The following NXN variants were observed in gnomAD, a reference collection of about 807,000 sequenced individuals.
NXN encodes the protein nucleoredoxin 1.
Under a neutral mutation model 48.6 loss-of-function variants are expected in NXN, and 16 were observed. The ratio of observed to expected loss-of-function variants is 0.33; its 90% CI spans 0.22 to 0.50. The LOEUF (loss-of-function observed/expected upper bound fraction) is 0.50, where lower values mean the gene tolerates loss of function less well. Among genes scored for constraint, NXN ranks in the 20% least tolerant of loss-of-function variants. NXN has a pLI of 0.98. For missense variants in NXN, 492 were observed against 605.5 expected, an observed-to-expected ratio of 0.81 and a Z score of 1.97; for synonymous variants, 281 against 269.6, an observed-to-expected ratio of 1.04 and a Z score of -0.41.
At chr17:866,812 T>C (rs2068099845) in intron 1 of NXN, among the ~76,000 whole-genome samples, 1 of 152,240 alleles carries the variant, frequency 6.6e-6, no homozygotes, top group Non-Finnish European at 1.5e-5. Flanking sequence ...GATCTGAAAA[T>C]ACATATTCTT....
chr17:859,848 C>G (rs2068024046), intron 1 of NXN, among the ~76,000 whole-genome samples: 1 of 152,170 alleles, frequency 6.6e-6, no homozygotes, highest in African/African-American at 2.4e-5. Flanking sequence ...AAACAACAGG[C>G]AAAACCGAGC....
chr17:862,210 A>C (rs1388285373), intron 1 of NXN, among the ~76,000 whole-genome samples: 2 of 152,186 alleles, frequency 1.3e-5, no homozygotes, highest in Admixed American at 1.3e-4. Flanking sequence ...TTCTGCAATA[A>C]TCAATGTAGA....
In NXN at chr17:865,320, G is replaced by A. The variant is rs140152575; in HGVS notation, c.361-39242C>T. ...TGCAATGGCACGATCTTGGCTCACCGCAACCTCTGCCTCCTGGATTCAAGT... is the reference window on the plus strand; with the variant it reads ...TGCAATGGCACGATCTTGGCTCACCACAACCTCTGCCTCCTGGATTCAAGT... On this transcript the variant is annotated intron_variant, in intron 1 of 7. Transcript: ENST00000336868. Among the ~76,000 whole-genome samples, 1,381 of 151,826 alleles carry A rather than the reference G, an allele frequency of 9.1e-3. 20 individuals are homozygous for A. The highest frequency in any genetic ancestry group is 0.031 in the African/African-American group (1,265 of 41,364).
chr17:876,502 G>A (rs898581349), intron 1 of NXN, among the ~76,000 whole-genome samples: 4 of 152,260 alleles, frequency 2.6e-5, no homozygotes, highest in Admixed American at 1.3e-4. Context: ...TGCTCTAAGC[G>A]TGTTTCATGT....
chr17:873,489 T>C (rs151228415), intron 1 of NXN, among the ~76,000 whole-genome samples: 3,637 of 83,040 alleles, frequency 0.044, 72 homozygotes, highest in Non-Finnish European at 0.059. Context: ...AGAGACACTG[T>C]CTCCAAAAAA....
chr17:887,208 C>T (rs535138173), intron 1 of NXN, among the ~76,000 whole-genome samples: 4 of 152,272 alleles, frequency 2.6e-5, no homozygotes, highest in Admixed American at 6.5e-5. Flanking sequence ...TGAGCCACCG[C>T]GCCTGGCCTC....
rs936929032 is a variant in NXN at position 917,205 on chromosome 17, G to T, written c.360+62114C>A. On this transcript the variant is annotated intron_variant, in intron 1 of 7. Transcript: ENST00000336868. This position sits in a 1 kb window ranked among gnomAD's most constrained non-coding sequence, Gnocchi z 4.5. ...AGCCCAGGCTGGAGTGCAATGGCGC[G>T]ACCTCGGCTCGCCGTGGCCTCCGCC... is the stretch of plus-strand genomic sequence containing the variant. Among the ~76,000 whole-genome samples the T allele has an allele frequency of 1.3e-5, 2 of 151,008 alleles. No individual in the cohort carries two copies. Among genetic ancestry groups the T allele is most frequent in the East Asian group, 3.9e-4 (2 of 5,134 alleles).
At chr17:863,373 G>T (rs189891130) in intron 1 of NXN, among the ~76,000 whole-genome samples, 18 of 152,002 alleles carry the variant, frequency 1.2e-4, no homozygotes, top group South Asian at 2.1e-4. Context: ...TTCACCGTGT[G>T]AGCCAGGATG....
At chr17:896,983 A>G in intron 1 of NXN, 1 of 1,171,862 alleles carries the variant, frequency 8.5e-7, no homozygotes, top group Non-Finnish European at 1.1e-6. Context: ...CTCCTAGGAA[A>G]GTCCCCGCGG....
At chr17:809,998 G>C (rs1200646146) in intron 5 of NXN, among the ~76,000 whole-genome samples, 10 of 141,950 alleles carry the variant, frequency 7.0e-5, no homozygotes, top group South Asian at 2.2e-4. Context: ...TGGCGTGTAC[G>C]TTACGAGTCT....
chr17:901,535 A>C (rs1035199750), intron 1 of NXN, among the ~76,000 whole-genome samples: 1 of 152,106 alleles, frequency 6.6e-6, no homozygotes, highest in African/African-American at 2.4e-5. Context: ...TCTACCTCCA[A>C]CAACAGTCAT....
chr17:918,950 A>G (rs960948722), intron 1 of NXN, among the ~76,000 whole-genome samples: 2 of 151,970 alleles, frequency 1.3e-5, no homozygotes, highest in Non-Finnish European at 2.9e-5. Flanking sequence ...CTGTAGTCCC[A>G]GCTACTCGGG....
Position 956,130 on chromosome 17 carries a change from A to C in NXN, c.360+23189T>G, listed in dbSNP as rs2096429441. Among the ~76,000 whole-genome samples the C allele has an allele frequency of 6.6e-6, 1 of 152,190 alleles. No individual in the cohort carries two copies. The highest frequency in any genetic ancestry group is 2.4e-5 in the African/African-American group (1 of 41,458). On this transcript the variant is annotated intron_variant, in intron 1 of 7. Transcript: ENST00000336868. The surrounding 1 kb of genome is among the most constrained non-coding windows in gnomAD (Gnocchi z 4.1). ...GCATTTAATTATGATGACAGCACCAATAAACACTGAGACTCACCTTTCTGC... is the reference window on the plus strand; with the variant it reads ...GCATTTAATTATGATGACAGCACCACTAAACACTGAGACTCACCTTTCTGC...
At chr17:927,140 C>T (rs1052642782) in intron 1 of NXN, among the ~76,000 whole-genome samples, 4 of 151,522 alleles carry the variant, frequency 2.6e-5, no homozygotes, top group Admixed American at 2.0e-4. Flanking sequence ...GGTGAAACCC[C>T]GCCTCTACTA....
chr17:923,548 A>G (rs1156307578), intron 1 of NXN, among the ~76,000 whole-genome samples: 1 of 152,234 alleles, frequency 6.6e-6, no homozygotes, highest in Admixed American at 6.5e-5. Context: ...AATTAATTTT[A>G]AAATAAAGGC....
chr17:905,747 C>T (rs1237030423), intron 1 of NXN, among the ~76,000 whole-genome samples: 3 of 151,984 alleles, frequency 2.0e-5, no homozygotes, highest in Non-Finnish European at 2.9e-5. Flanking sequence ...CAGGCTGAGG[C>T]GGGAGGACTG....
At chr17:809,921 G>T (rs1597614795) in intron 5 of NXN, among the ~76,000 whole-genome samples, 1 of 148,674 alleles carries the variant, frequency 6.7e-6, no homozygotes, top group African/African-American at 2.5e-5. Context: ...TGCACGTTAA[G>T]AGTCCGTGTG....
At chr17:934,976 CTTTA>C (rs1166661765) in intron 1 of NXN, among the ~76,000 whole-genome samples, 1 of 138,250 alleles carries the variant, frequency 7.2e-6, no homozygotes. Flanking sequence ...TTGCTGTGCT[CTTTA>C]TTTTTTTTTA....
At chr17:828,872 G>T (rs1432712294) in intron 1 of NXN, among the ~76,000 whole-genome samples, 1 of 150,952 alleles carries the variant, frequency 6.6e-6, no homozygotes, top group Non-Finnish European at 1.5e-5. Context: ...AGAAAAGGAA[G>T]ATTAAAATGA....
Sources: allele counts gnomAD v4.1 joint callset (sites outside exome capture counted in the v4.1 genomes callset), GRCh38; gene constraint gnomAD v4.1.1; non-coding constraint Gnocchi (gnomAD v3.1); transcripts MANE v1.5; gene names NCBI Gene and HGNC (gene_info 2026-07-23, HGNC 2026-07-21).